KCNN2: variants seen among roughly 807,000 people sequenced by gnomAD.
The protein encoded by KCNN2 is small conductance calcium-activated potassium channel protein 2.
Under a neutral mutation model 55.5 loss-of-function variants are expected in KCNN2, and 24 were observed. That is an observed-to-expected ratio of 0.43 (90% confidence interval 0.31 to 0.61). The LOEUF is 0.61. Among genes scored for constraint, KCNN2 ranks in the 20% least tolerant of loss-of-function variants. The pLI, the probability that KCNN2 is intolerant of heterozygous loss-of-function variation, is 0.08. For missense variants in KCNN2, 754 were observed against 853.6 expected (o/e 0.88, Z 1.45); for synonymous variants, 431 against 336.1 (o/e 1.28, Z -3.09).
chr5:114,302,433 A>G (rs1244808573), intron 2 of KCNN2, among the ~76,000 whole-genome samples: 2 of 152,184 alleles, frequency 1.3e-5, no homozygotes, highest in Non-Finnish European at 2.9e-5. Flanking sequence ...GTATCTAATC[A>G]TAAGGAAATT....
chr5:114,315,421 C>G (rs1361404235), intron 2 of KCNN2, among the ~76,000 whole-genome samples: 4 of 142,884 alleles, frequency 2.8e-5, no homozygotes, highest in African/African-American at 1.1e-4. Context: ...AAGGCAGAAA[C>G]TGTGTGTGTG....
intron 1 of KCNN2, among the ~76,000 whole-genome samples, chr5:114,199,613 T>TA (rs1038493050): frequency 5.1e-4 from 9 of 17,554 alleles, no homozygotes; most frequent in Non-Finnish European, 1.1e-3. Flanking sequence ...GGGTTTTATA[T>TA]TTTTTTTTAT....
chr5:114,471,588 A>T (rs1170546121), intron 4 of KCNN2, among the ~76,000 whole-genome samples: 2 of 152,188 alleles, frequency 1.3e-5, no homozygotes, highest in African/African-American at 2.4e-5. Context: ...ATGCTAATCA[A>T]AGTTTATAAC....
rs554575736 is a variant in KCNN2 at position 114,377,635 on chromosome 5, T to C, written c.1218+13634T>C. Among the ~76,000 whole-genome samples, 5 of 152,048 alleles carry C rather than the reference T, an allele frequency of 3.3e-5. No homozygotes were observed. In the East Asian group the frequency reaches 9.7e-4, roughly 29 times the overall value. On this transcript the variant is annotated intron_variant, in intron 2 of 7. Coordinates refer to ENST00000673685, the MANE Select transcript of KCNN2 (RefSeq NM_021614.4). ...GGACGCCTTCTATCTAGACAGACAT[T>C]TGTGCCTCTGGAAAGCAGCCCAGAT...
At position 114,267,944 on chromosome 5, in the gene KCNN2, A is replaced by G. The variant is rs1039534276; in HGVS notation, c.-185+46379A>G. Among the ~76,000 whole-genome samples the G allele has an allele frequency of 5.9e-5, 9 of 152,078 alleles. 1 individual carries two copies. The South Asian group carries it at 6.2e-4, about 10-fold the overall frequency. On this transcript the variant is annotated intron_variant, in intron 2 of 10. Coordinates refer to the KCNN2 transcript ENST00000512097. ...TCTCCCCTCAGATGCTTTTATGGCC[A>G]TTGTTCCTTTCTGGGAGAATGTTAT...
At chr5:114,331,624 C>A (rs1038721890) in intron 2 of KCNN2, among the ~76,000 whole-genome samples, 2 of 152,084 alleles carry the variant, frequency 1.3e-5, no homozygotes, top group Non-Finnish European at 2.9e-5. Flanking sequence ...TTTCAAGTAC[C>A]CTCAAGTACT....
intron 2 of KCNN2, among the ~76,000 whole-genome samples, chr5:114,268,551 G>A (rs1755255962): frequency 6.6e-6 from 1 of 152,112 alleles, no homozygotes; most frequent in African/African-American, 2.4e-5. Context: ...GAGGGGTCAG[G>A]GCTTTTGCAG....
intron 1 of KCNN2, among the ~76,000 whole-genome samples, chr5:114,182,853 C>T (rs898326093): frequency 3.9e-5 from 6 of 151,934 alleles, no homozygotes; most frequent in Admixed American, 3.3e-4. Flanking sequence ...GCTTGCATTT[C>T]ATTATTTTTT....
At chr5:114,113,539 G>A (rs534292286) in intron 1 of KCNN2, among the ~76,000 whole-genome samples, 2 of 152,136 alleles carry the variant, frequency 1.3e-5, no homozygotes, top group South Asian at 2.1e-4. Context: ...TTTATCTGAC[G>A]TTAGCTTTTC....
chr5:114,319,760 C>T (rs572889558), intron 2 of KCNN2, among the ~76,000 whole-genome samples: 17 of 152,266 alleles, frequency 1.1e-4, no homozygotes, highest in Admixed American at 2.6e-4. Context: ...CATTATTATG[C>T]CAAAATGTCA....
At chr5:114,327,169 G>A (rs1176683629) in intron 2 of KCNN2, among the ~76,000 whole-genome samples, 1 of 152,320 alleles carries the variant, frequency 6.6e-6, no homozygotes, top group East Asian at 1.9e-4. Context: ...GAGAAGTAGA[G>A]AAATGATCCC....
intron 1 of KCNN2, among the ~76,000 whole-genome samples, chr5:114,124,990 T>C (rs1751901474): frequency 6.6e-6 from 1 of 152,176 alleles, no homozygotes; most frequent in South Asian, 2.1e-4. Context: ...TCTGTTCTGA[T>C]CATTGCTGTG....
intron 1 of KCNN2, among the ~76,000 whole-genome samples, chr5:114,166,963 C>A (rs1334432778): frequency 6.6e-6 from 1 of 152,108 alleles, no homozygotes; most frequent in African/African-American, 2.4e-5. Context: ...CATCAGACAG[C>A]GGATCTGCCA....
At chr5:114,079,176 G>A (rs1257843083) in intron 1 of KCNN2, among the ~76,000 whole-genome samples, 3 of 152,022 alleles carry the variant, frequency 2.0e-5, no homozygotes, top group Non-Finnish European at 4.4e-5. Context: ...TAAAAATAAA[G>A]TTAAGTTTGT....
intron 1 of KCNN2, among the ~76,000 whole-genome samples, chr5:114,169,414 T>C (rs1752984295): frequency 1.3e-5 from 2 of 151,556 alleles, no homozygotes; most frequent in East Asian, 1.9e-4. Flanking sequence ...TGGGAGAGAG[T>C]GGTACAGGAC....
intron 1 of KCNN2, among the ~76,000 whole-genome samples, chr5:114,113,464 A>G (rs1009924601): frequency 5.9e-5 from 9 of 152,056 alleles, no homozygotes; most frequent in Admixed American, 3.3e-4. Flanking sequence ...TCTTAGGTTC[A>G]TTGGCTGGGG....
chr5:114,090,002 C>G (rs1262413386), intron 1 of KCNN2, among the ~76,000 whole-genome samples: 1 of 152,106 alleles, frequency 6.6e-6, no homozygotes, highest in Non-Finnish European at 1.5e-5. Context: ...GATATTTATT[C>G]TCATAGTTAT....
intron 4 of KCNN2, among the ~76,000 whole-genome samples, chr5:114,469,591 C>T (rs1761621426): frequency 1.3e-5 from 2 of 152,178 alleles, no homozygotes; most frequent in Non-Finnish European, 2.9e-5. Flanking sequence ...ACTGTTTCTA[C>T]ATCGATTGTG....
intron 1 of KCNN2, among the ~76,000 whole-genome samples, chr5:114,176,419 C>T (rs1031874023): frequency 1.1e-4 from 17 of 152,036 alleles, no homozygotes; most frequent in Non-Finnish European, 2.4e-4. Flanking sequence ...CTGCTTTTCC[C>T]AGGGTTCAAA....
Sources: gnomAD v4.1 joint callset for allele counts (sites outside exome capture counted in the v4.1 genomes callset) on GRCh38, gnomAD v4.1.1 for gene constraint, MANE v1.5 for transcripts, NCBI Gene and HGNC (gene_info 2026-07-23, HGNC 2026-07-21) for gene names.